The following CD44 variants were observed in gnomAD, a reference collection of about 807,000 sequenced individuals.
CD44 encodes the protein CD44 molecule (IN blood group).
In CD44, 49 loss-of-function variants were observed where a neutral mutation model predicts 88.8. The observed-to-expected ratio is 0.55, with a 90% CI of 0.44 to 0.70. The LOEUF is 0.70. Ranked by LOEUF, CD44 falls within the 30% of genes least tolerant of loss-of-function variation. The probability of loss-of-function intolerance (pLI) is 0.00; values close to 1 mark genes in which losing one functional copy is unlikely to be tolerated. For synonymous variants in CD44, 325 were observed against 312.3 expected, an observed-to-expected ratio of 1.04 and a Z score of -0.43; for missense variants, 883 against 913.8, an observed-to-expected ratio of 0.97 and a Z score of 0.43.
chr11:35,215,078 C>A, intron 15 of CD44, 164 bp downstream of exon 15: 1 of 417,560 alleles, frequency 2.4e-6, no homozygotes, highest in Non-Finnish European at 4.2e-6. Context: ...CTGGACCCCA[C>A]CCTTAAGGTT....
At chr11:35,153,723 G>A (rs353617) in intron 1 of CD44, among the ~76,000 whole-genome samples, 33,286 of 152,068 alleles carry the variant, frequency 0.22, 3,725 homozygotes, top group African/African-American at 0.26. Flanking sequence ...TGCTATGAAG[G>A]AGAAGCACTG....
chr11:35,226,880 C>CTTTTTTTTTTTTTTTTTTTTT (rs367551052), intron 17 of CD44, among the ~76,000 whole-genome samples: 2 of 106,210 alleles, frequency 1.9e-5, no homozygotes, highest in Non-Finnish European at 3.6e-5. Context: ...TTCTTTTTTC[C>CTTTTTTTTTTTTTTTTTTTTT]TTTTTTTTTT....
chr11:35,193,356 G>T (rs530864531), intron 5 of CD44, among the ~76,000 whole-genome samples: 1 of 152,306 alleles, frequency 6.6e-6, no homozygotes, highest in South Asian at 2.1e-4. Flanking sequence ...GCTACGGGTT[G>T]GACAAGCTTG....
intron 1 of CD44, among the ~76,000 whole-genome samples, chr11:35,161,040 G>T (rs1942532197): frequency 6.6e-6 from 1 of 152,202 alleles, no homozygotes; most frequent in South Asian, 2.1e-4. Flanking sequence ...GAAGCCTGGA[G>T]GTCTTGAGTG....
chr11:35,158,764 A>C (rs1198077240), intron 1 of CD44, among the ~76,000 whole-genome samples: 1 of 152,230 alleles, frequency 6.6e-6, no homozygotes, highest in Non-Finnish European at 1.5e-5. Context: ...CACTATGTGC[A>C]TACAGGCTTC....
chr11:35,219,344 A>C lies in CD44; in HGVS notation c.1902A>C (p.Gly634=), dbSNP rs747384040. Residue 634 remains glycine, a synonymous_variant, in exon 16 of 18, where the codon GGA becomes GGC. Coordinates refer to ENST00000428726, the MANE Select transcript of CD44 (RefSeq NM_000610.4). ...ACTCACATGGGAGTCAAGAAGGTGG[A>C]GCAAACACAACCTCTGGTCCTATAA... ...DGHSHGSQEG[G]ANTTSGPIRT... is the part of the protein sequence containing the mutation. 31 of 1,613,784 alleles carry C rather than the reference A, an allele frequency of 1.9e-5. No individual in the cohort carries two copies. In the South Asian group the frequency reaches 3.1e-4, roughly 16 times the overall value.
chr11:35,185,231 C>T (rs992529541), intron 3 of CD44, among the ~76,000 whole-genome samples: 1 of 152,132 alleles, frequency 6.6e-6, no homozygotes, highest in Non-Finnish European at 1.5e-5. Context: ...GGAATGGCCT[C>T]GCCAAGGAGG....
At position 35,201,126 on chromosome 11, in the gene CD44, G is replaced by C. The variant is rs560004971; in HGVS notation, c.967G>C (p.Asp323His). Residue 323 changes from aspartate (D) to histidine (H), a missense_variant, in exon 8 of 18, where the codon GAC becomes CAC. Coordinates refer to ENST00000428726, the MANE Select transcript of CD44 (RefSeq NM_000610.4). The stretch of plus-strand genomic sequence containing the variant: ...TTTTGACCACACAAAACAGAACCAG[G>C]ACTGGACCCAGTGGAACCCAAGCCA... ...RAFDHTKQNQ[D>H]WTQWNPSHSN... 38 of 1,614,078 alleles carry C rather than the reference G, an allele frequency of 2.4e-5. No individual in the cohort carries two copies. The South Asian group carries it at 4.1e-4, about 17-fold the overall frequency.
In CD44 at chr11:35,196,880, G is replaced by T. The variant is rs974373028; in HGVS notation, c.796+6G>T. The T allele has an allele frequency of 1.2e-6, 2 of 1,612,614 alleles. No homozygotes were observed. The highest frequency in any genetic ancestry group is 1.3e-5 in the African/African-American group (1 of 75,002). ...CACAACAACACAAATGGCTGGTAAT[G>T]AGTTATTATTATCTCATAGCGTATG... On this transcript the variant is annotated splice_donor_region_variant and intron_variant, in intron 6 of 17. Transcript: ENST00000428726.
chr11:35,154,758 T>C (rs1251145559), intron 1 of CD44, among the ~76,000 whole-genome samples: 1 of 152,210 alleles, frequency 6.6e-6, no homozygotes, highest in Non-Finnish European at 1.5e-5. Context: ...TCTCGTGTGA[T>C]TGTTATCTGT....
chr11:35,181,956 AT>A (rs1385555640), intron 3 of CD44, among the ~76,000 whole-genome samples: 9 of 76,788 alleles, frequency 1.2e-4, no homozygotes, highest in Non-Finnish European at 2.3e-4. Flanking sequence ...ATATATATAA[AT>A]TTTATATATA....
intron 3 of CD44, among the ~76,000 whole-genome samples, chr11:35,181,126 G>T (rs755205697): frequency 1.1e-4 from 16 of 152,190 alleles, no homozygotes; most frequent in Non-Finnish European, 2.2e-4. Flanking sequence ...TAGCTTTGGG[G>T]TGTAAGTCAA....
intron 1 of CD44, among the ~76,000 whole-genome samples, chr11:35,158,327 C>A (rs1254679708): frequency 6.6e-6 from 1 of 152,160 alleles, no homozygotes. Context: ...GGGGAGTTTG[C>A]TTCTGGTGTG....
intron 4 of CD44, among the ~76,000 whole-genome samples, chr11:35,187,548 C>T (rs1027674321): frequency 6.6e-6 from 1 of 152,118 alleles, no homozygotes. Context: ...AAAGAAATTG[C>T]ACATGGAAAA....
At chr11:35,197,325 C>T (rs1336042651) in intron 6 of CD44, 2 of 152,998 alleles carry the variant, frequency 1.3e-5, no homozygotes, top group African/African-American at 4.8e-5. Context: ...TGCTCATTCC[C>T]TAAGATAGCC....
At chr11:35,187,624 A>G (rs1945815142) in intron 4 of CD44, among the ~76,000 whole-genome samples, 1 of 152,176 alleles carries the variant, frequency 6.6e-6, no homozygotes, top group Admixed American at 6.5e-5. Context: ...AAATTAAATA[A>G]TGTTCTTAAT....
chr11:35,173,350 G>A (rs1238162129), intron 1 of CD44, among the ~76,000 whole-genome samples: 1 of 152,216 alleles, frequency 6.6e-6, no homozygotes, highest in Non-Finnish European at 1.5e-5. Context: ...GTTTCCTTTT[G>A]TAAGACTGGC....
chr11:35,141,835 T>A (rs182430880), intron 1 of CD44, among the ~76,000 whole-genome samples: 16 of 152,090 alleles, frequency 1.1e-4, no homozygotes, highest in African/African-American at 3.9e-4. Context: ...GTCAGAGGGC[T>A]TGGGGCTGGG....
intron 7 of CD44, chr11:35,198,545 A>T (rs1307149965): frequency 3.3e-6 from 1 of 304,348 alleles, no homozygotes; most frequent in African/African-American, 2.1e-5. Flanking sequence ...ACATTAAAAC[A>T]GTACAAAAAA....
Sources: allele counts gnomAD v4.1 joint callset (sites outside exome capture counted in the v4.1 genomes callset), GRCh38; gene constraint gnomAD v4.1.1; transcripts MANE v1.5; gene names NCBI Gene and HGNC (gene_info 2026-07-23, HGNC 2026-07-21).